Variants in PDE7B observed in about 807,000 individuals in gnomAD.
PDE7B encodes the protein 3',5'-cyclic-AMP phosphodiesterase 7B.
PDE7B carries 29 observed loss-of-function variants against 56.2 expected under a neutral mutation model. That is an observed-to-expected ratio of 0.52 (90% CI 0.38 to 0.70). The LOEUF (loss-of-function observed/expected upper bound fraction) is 0.70, where lower values mean the gene tolerates loss of function less well. Ranked by LOEUF, PDE7B falls within the 30% of genes least tolerant of loss-of-function variation. The pLI is 0.00. For missense variants in PDE7B, 490 were observed against 565.0 expected, an observed-to-expected ratio of 0.87 and a Z score of 1.35; for synonymous variants, 197 against 196.9, an observed-to-expected ratio of 1.00 and a Z score of 0.00.
intron 1 of PDE7B, among the ~76,000 whole-genome samples, chr6:135,935,407 A>C (rs1205146094): frequency 6.6e-6 from 1 of 151,042 alleles, no homozygotes; most frequent in Non-Finnish European, 1.5e-5. Context: ...AATCTGAACT[A>C]ATTTAAGTAT....
chr6:136,160,906 A>T (rs1410530094), intron 8 of PDE7B, among the ~76,000 whole-genome samples: 3 of 152,144 alleles, frequency 2.0e-5, no homozygotes, highest in Non-Finnish European at 4.4e-5. Flanking sequence ...CAAAACAAAT[A>T]AAAAAGTCTG....
chr6:135,955,277 C>T lies in PDE7B; in HGVS notation c.82+7753C>T, dbSNP rs117558952. 1.6e-3 allele frequency among the ~76,000 whole-genome samples: 242 copies of T among 151,620 alleles called. 1 individual carries two copies. The East Asian group carries it at 0.027, about 17-fold the overall frequency. ...CACAATCAGGAGAGCCCAGGTCTTA[C>T]GGGAAGGGGAAGGGGAAGGGTGGAG... On this transcript the variant is annotated intron_variant, in intron 2 of 12. Coordinates refer to ENST00000308191, the MANE Select transcript of PDE7B (RefSeq NM_018945.4).
chr6:136,179,843 T>C (rs1159453166), intron 10 of PDE7B, among the ~76,000 whole-genome samples: 1 of 152,166 alleles, frequency 6.6e-6, no homozygotes, highest in African/African-American at 2.4e-5. Context: ...CAGCAAAAAA[T>C]AAAATTGAAC....
chr6:136,074,188 G>T (rs1023689612), intron 2 of PDE7B, among the ~76,000 whole-genome samples: 1 of 146,500 alleles, frequency 6.8e-6, no homozygotes, highest in African/African-American at 2.5e-5. Flanking sequence ...AGCCAAGATC[G>T]CACCACTGCA....
chr6:135,976,094 A>C (rs79929043), intron 2 of PDE7B, among the ~76,000 whole-genome samples: 4,645 of 152,256 alleles, frequency 0.031, 211 homozygotes, highest in African/African-American at 0.099. Flanking sequence ...GAGTGGGACC[A>C]TGAAAACAGC....
At chr6:136,105,631 G>A (rs1394031929) in intron 2 of PDE7B, among the ~76,000 whole-genome samples, 1 of 152,150 alleles carries the variant, frequency 6.6e-6, no homozygotes, top group Non-Finnish European at 1.5e-5. Context: ...CAACAACTCT[G>A]TGATGTAGAT....
Position 136,178,981 on chromosome 6 carries a change from A to G in PDE7B, c.804-16A>G, listed in dbSNP as rs769381591. The G allele has an allele frequency of 1.9e-6, 3 of 1,613,610 alleles. No individual in the cohort carries two copies. Among genetic ancestry groups the G allele is most frequent in the African/African-American group, 2.7e-5 (2 of 74,886 alleles). On this transcript the variant is annotated splice_polypyrimidine_tract_variant and intron_variant, in intron 9 of 12. Transcript: ENST00000308191. ...TGCTTTGTGTGTGTTTTTCTCTTTC[A>G]TTCTTGTGGATGCAGACAGGATATT...
chr6:135,869,474 C>T (rs924478342), intron 1 of PDE7B, among the ~76,000 whole-genome samples: 1 of 152,012 alleles, frequency 6.6e-6, no homozygotes, highest in Admixed American at 6.6e-5. Flanking sequence ...GGTGAGAGAG[C>T]CTAGATTTAT....
chr6:135,851,941 C>G lies in PDE7B; in HGVS notation c.-58C>G. ...TGCAGCACAAGTCTTCATGAACAAGCAGCACCGCTCAGAGATTTCACGGCA... is the reference window on the plus strand; with the variant it reads ...TGCAGCACAAGTCTTCATGAACAAGGAGCACCGCTCAGAGATTTCACGGCA... On this transcript the variant is annotated 5_prime_UTR_variant, in exon 1 of 13. Transcript: ENST00000308191. The G allele has an allele frequency of 1.5e-6, 2 of 1,333,956 alleles. No homozygotes were observed. The highest frequency in any genetic ancestry group is 4.6e-5 in the East Asian group (2 of 43,566). The allele number at this position is 1,333,956 out of a possible 1,614,324, so 82.6% of individuals were successfully genotyped here.
chr6:135,949,407 T>A lies in PDE7B; in HGVS notation c.82+1883T>A, dbSNP rs192369115. The stretch of plus-strand genomic sequence containing the variant: ...TCTAGATTATGTGGTATGGTTTATA[T>A]AGCTGCCAGAAAACAATCCTGACCG... On this transcript the variant is annotated intron_variant, in intron 2 of 12. Transcript: ENST00000308191. Among the ~76,000 whole-genome samples the A allele has an allele frequency of 3.7e-3, 570 of 152,212 alleles. 2 individuals are homozygous for A. The highest frequency in any genetic ancestry group is 5.6e-3 in the Non-Finnish European group (379 of 67,954).
At chr6:136,043,575 C>CAA (rs34337621) in intron 2 of PDE7B, among the ~76,000 whole-genome samples, 15,717 of 106,704 alleles carry the variant, frequency 0.15, 1,451 homozygotes, top group Middle Eastern at 0.19. Flanking sequence ...GACATAATAG[C>CAA]AAAAAAAAAA....
chr6:136,010,914 A>G (rs1775881305), intron 2 of PDE7B, among the ~76,000 whole-genome samples: 1 of 152,182 alleles, frequency 6.6e-6, no homozygotes, highest in South Asian at 2.1e-4. Flanking sequence ...GGGTGCTCCC[A>G]GAATTACTGC....
At chr6:136,120,309 A>G (rs1057379876) in intron 3 of PDE7B, among the ~76,000 whole-genome samples, 7 of 152,094 alleles carry the variant, frequency 4.6e-5, no homozygotes, top group Non-Finnish European at 1.0e-4. Context: ...GCTTTCCAAC[A>G]TGTGGTTGTT....
intron 7 of PDE7B, 41 bp downstream of exon 7, chr6:136,154,216 G>T (rs1422386479): frequency 9.8e-6 from 13 of 1,329,422 alleles, no homozygotes; most frequent in Non-Finnish European, 1.4e-5. Flanking sequence ...ACCTGGAAAT[G>T]CCAAGGAAAC....
chr6:135,994,116 CTGTGTGTGTGTGTGTGTGTGTGTG>C lies in PDE7B; in HGVS notation c.82+46618_82+46641del, dbSNP rs3220309. ...AAAGTTGCCTGTTCTTGTATTGGAT[CTGTGTGTGTGTGTGTGTGTGTGTG>C]TGTGTGTGTGTGTGTGTGTGTGTGT... On this transcript the variant is annotated intron_variant, in intron 2 of 12. Transcript: ENST00000308191. 2.9e-5 allele frequency among the ~76,000 whole-genome samples: 4 copies of C among 138,726 alleles called. No homozygotes were observed. In the South Asian group the frequency reaches 7.6e-4, roughly 26 times the overall value. 91.0% of individuals were successfully genotyped at this position (138,726 alleles called of 152,430 possible).
At chr6:136,115,238 T>C (rs1777811698) in intron 3 of PDE7B, among the ~76,000 whole-genome samples, 1 of 152,100 alleles carries the variant, frequency 6.6e-6, no homozygotes, top group Non-Finnish European at 1.5e-5. Context: ...ATGAGAAATA[T>C]ATGCATCTAC....
At position 136,151,119 on chromosome 6, in the gene PDE7B, G is replaced by A. The variant is rs759458776; in HGVS notation, c.383-41G>A. The A allele has an allele frequency of 4.1e-6, 4 of 967,236 alleles. No homozygotes were observed. In the Admixed American group the frequency reaches 5.2e-5, roughly 13 times the overall value. The allele number at this position is 967,236 out of a possible 1,614,324, so 59.9% of individuals were successfully genotyped here. A position where few individuals can be genotyped will look rare whatever the true frequency, so the allele number is the denominator to read the frequency against. On this transcript the variant is annotated intron_variant, in intron 5 of 12. Transcript: ENST00000308191. ...TATTGTCAATCTTGATATTTTAGTG[G>A]TGATCAAAATTAGTTAAAGGAAGTG... is the stretch of plus-strand genomic sequence containing the variant.
Position 135,986,187 on chromosome 6 carries a change from A to G in PDE7B, c.82+38663A>G, listed in dbSNP as rs533287894. On this transcript the variant is annotated intron_variant, in intron 2 of 12. Transcript: ENST00000308191. ...GAGTATATGTGGGTAAGGCTCATTG[A>G]TAGTGAGTGTGAGATGCATTGACTT... Among the ~76,000 whole-genome samples, 142 of 152,314 alleles carry G rather than the reference A, an allele frequency of 9.3e-4. 1 individual carries two copies. Among genetic ancestry groups the G allele is most frequent in the Middle Eastern group, 3.4e-3 (1 of 294 alleles).
At chr6:135,897,849 C>T (rs1483616558) in intron 1 of PDE7B, among the ~76,000 whole-genome samples, 3 of 152,156 alleles carry the variant, frequency 2.0e-5, no homozygotes, top group Non-Finnish European at 4.4e-5. Flanking sequence ...CCAGTGGCCA[C>T]CAGCCCTGAT....
Sources: allele counts gnomAD v4.1 joint callset (sites outside exome capture counted in the v4.1 genomes callset), GRCh38; gene constraint gnomAD v4.1.1; transcripts MANE v1.5; gene names NCBI Gene and HGNC (gene_info 2026-07-23, HGNC 2026-07-21).